Variants in CACNA1E observed in about 807,000 individuals in gnomAD.
The protein encoded by CACNA1E is calcium voltage-gated channel subunit alpha1 E, also known as voltage-dependent R-type calcium channel subunit alpha-1E.
A neutral mutation model predicts 259.2 loss-of-function variants in CACNA1E; 40 were observed. The observed-to-expected ratio is 0.15, with a 90% CI of 0.12 to 0.20. The LOEUF (loss-of-function observed/expected upper bound fraction) is 0.20. CACNA1E is among the 10% of genes least tolerant of loss of function. CACNA1E has a pLI of 1.00. For missense variants in CACNA1E, 1,874 were observed against 3,040.1 expected, an observed-to-expected ratio of 0.62 and a Z score of 9.02; for synonymous variants, 1,104 against 1,138.5, an observed-to-expected ratio of 0.97 and a Z score of 0.61.
At chr1:181,630,761 G>C (rs1656651259) in intron 6 of CACNA1E, among the ~76,000 whole-genome samples, 1 of 152,158 alleles carries the variant, frequency 6.6e-6, no homozygotes, top group Middle Eastern at 3.2e-3. Flanking sequence ...CATTTAGAGT[G>C]GGGGATAGGG....
intron 1 of CACNA1E, among the ~76,000 whole-genome samples, chr1:181,318,894 C>T (rs1034964768): frequency 5.9e-5 from 9 of 152,108 alleles, no homozygotes; most frequent in African/African-American, 1.9e-4. Flanking sequence ...CTTTTTGATC[C>T]GGCTTGAGTC....
In CACNA1E at chr1:181,798,182, C is replaced by A; in HGVS notation, c.6400-110C>A. 1 of 869,300 alleles carries A rather than the reference C, an allele frequency of 1.2e-6. No homozygotes were observed. Among genetic ancestry groups the A allele is most frequent in the Non-Finnish European group, 1.8e-6 (1 of 555,930 alleles). 53.8% of individuals were successfully genotyped at this position (869,300 alleles called of 1,614,324 possible). On this transcript the variant is annotated intron_variant, in intron 47 of 47. Transcript: ENST00000367573. The surrounding 1 kb of genome is among the most constrained non-coding windows in gnomAD (Gnocchi z 4.2). The stretch of plus-strand genomic sequence containing the variant: ...ATGTGAATACTACAGGGAGCTCCAG[C>A]TCAGGCCTCTCCCTGACAGAATTCA...
rs368533867 is a variant in CACNA1E at position 181,510,467 on chromosome 1, G to A, written c.267-10G>A. The A allele has an allele frequency of 2.9e-5, 46 of 1,606,038 alleles. No individual in the cohort carries two copies. The highest frequency in any genetic ancestry group is 1.7e-4 in the Middle Eastern group (1 of 6,048). ...TCTGGTGAATTTGTTCCTTAACTCC[G>A]CTTTCCCACGCCATTTGAGTACATG... On this transcript the variant is annotated splice_polypyrimidine_tract_variant and intron_variant, in intron 1 of 47. Transcript: ENST00000367573.
chr1:181,786,185 C>T (rs1039947973), intron 43 of CACNA1E, among the ~76,000 whole-genome samples: 31 of 152,158 alleles, frequency 2.0e-4, no homozygotes, highest in African/African-American at 7.2e-4. Flanking sequence ...GAAGATAGAG[C>T]CTCCCTCACA....
At chr1:181,373,618 A>G (rs1654866755) in intron 1 of CACNA1E, among the ~76,000 whole-genome samples, 1 of 149,740 alleles carries the variant, frequency 6.7e-6, no homozygotes, top group African/African-American at 2.5e-5. Flanking sequence ...GCTCACTGCA[A>G]GCTCCGCCTC....
chr1:181,360,006 C>T (rs1036945021), intron 1 of CACNA1E, among the ~76,000 whole-genome samples: 1 of 152,164 alleles, frequency 6.6e-6, no homozygotes, highest in African/African-American at 2.4e-5. Flanking sequence ...CTCTCCCTCT[C>T]TCAATGCAAG....
intron 25 of CACNA1E, among the ~76,000 whole-genome samples, chr1:181,741,457 C>A (rs977853752): frequency 6.6e-6 from 1 of 152,208 alleles, no homozygotes; most frequent in African/African-American, 2.4e-5. Flanking sequence ...TCTCTTATCA[C>A]ATCATGAAAT....
At chr1:181,678,962 A>G (rs1351143252) in intron 7 of CACNA1E, among the ~76,000 whole-genome samples, 3 of 152,210 alleles carry the variant, frequency 2.0e-5, no homozygotes, top group Admixed American at 1.3e-4. Flanking sequence ...TCTTTGAGTT[A>G]AGGCTTTTTA....
chr1:181,718,331 C>T (rs1654097651), intron 12 of CACNA1E, among the ~76,000 whole-genome samples, 164 bp downstream of exon 12: 2 of 152,104 alleles, frequency 1.3e-5, no homozygotes, highest in South Asian at 4.1e-4. Context: ...TGAATCCTTC[C>T]CATGCAGGGT....
chr1:181,693,149 A>ACC, intron 7 of CACNA1E, among the ~76,000 whole-genome samples: 2 of 128,762 alleles, frequency 1.6e-5, no homozygotes, highest in Non-Finnish European at 3.4e-5. Flanking sequence ...AAAAAAAAAA[A>ACC]ACAACAGATG....
At chr1:181,538,063 C>G (rs1668306476) in intron 3 of CACNA1E, among the ~76,000 whole-genome samples, 1 of 152,110 alleles carries the variant, frequency 6.6e-6, no homozygotes, top group African/African-American at 2.4e-5. Context: ...GGACAGGGTG[C>G]CCTGTTCTAG....
At position 181,673,361 on chromosome 1, in the gene CACNA1E, T is replaced by C. The variant is rs113171844; in HGVS notation, c.1055+21920T>C. ...CCGTAGGTGGAGAAGCAGGAAGATG[T>C]AAGCACTCAAAGTGGGCACTGTCAC... On this transcript the variant is annotated intron_variant, in intron 7 of 47. Transcript: ENST00000367573. 3.9e-3 allele frequency among the ~76,000 whole-genome samples: 587 copies of C among 152,324 alleles called. 7 individuals carry two copies. Among genetic ancestry groups the C allele is most frequent in the African/African-American group, 0.014 (563 of 41,570 alleles).
intron 1 of CACNA1E, among the ~76,000 whole-genome samples, chr1:181,375,712 A>C (rs55719246): frequency 6.6e-6 from 1 of 152,158 alleles, no homozygotes; most frequent in Non-Finnish European, 1.5e-5. Context: ...GCTGGTAAGC[A>C]ATGGCAAGCA....
chr1:181,458,130 T>A (rs1389319592), intron 2 of CACNA1E, among the ~76,000 whole-genome samples: 1 of 152,246 alleles, frequency 6.6e-6, no homozygotes, highest in Non-Finnish European at 1.5e-5. Flanking sequence ...TGCTCTTTTA[T>A]GCTGTGTGTC....
intron 3 of CACNA1E, among the ~76,000 whole-genome samples, chr1:181,538,601 C>T (rs759354223): frequency 9.9e-5 from 15 of 152,094 alleles, no homozygotes; most frequent in Admixed American, 2.6e-4. Flanking sequence ...AATACATCAC[C>T]GCACTAATGC....
chr1:181,513,622 A>G (rs2485506), intron 3 of CACNA1E, among the ~76,000 whole-genome samples: 93,610 of 152,052 alleles, frequency 0.62, 31,145 homozygotes, highest in African/African-American at 0.89. Context: ...GAGAGGAGGT[A>G]GAGAAACTGG....
At chr1:181,319,149 T>A (rs1367367350) in intron 1 of CACNA1E, among the ~76,000 whole-genome samples, 1 of 152,158 alleles carries the variant, frequency 6.6e-6, no homozygotes, top group Non-Finnish European at 1.5e-5. Flanking sequence ...ATCTGGGGGC[T>A]TGTCGTAATG....
chr1:181,328,038 A>G (rs920427528), intron 1 of CACNA1E, among the ~76,000 whole-genome samples: 4 of 152,184 alleles, frequency 2.6e-5, no homozygotes, highest in Non-Finnish European at 5.9e-5. Context: ...AGGTGTCTTC[A>G]CATAGTTGCA....
chr1:181,664,470 AC>A (rs780456016), intron 7 of CACNA1E, among the ~76,000 whole-genome samples: 17 of 152,250 alleles, frequency 1.1e-4, no homozygotes, highest in South Asian at 2.1e-4. Flanking sequence ...CCATTTTAGG[AC>A]TTTATTATTA....
Sources: allele counts gnomAD v4.1 joint callset (sites outside exome capture counted in the v4.1 genomes callset), GRCh38; gene constraint gnomAD v4.1.1; non-coding constraint Gnocchi (gnomAD v3.1); transcripts MANE v1.5; gene names NCBI Gene and HGNC (gene_info 2026-07-23, HGNC 2026-07-21).